ASTN2: variants seen among roughly 807,000 people sequenced by gnomAD.
The protein encoded by ASTN2 is astrotactin 2, also known as astrotactin-2.
In ASTN2, 54 loss-of-function variants were observed where a neutral mutation model predicts 139.8. The observed-to-expected ratio is 0.39, with a 90% CI of 0.31 to 0.48. The LOEUF (loss-of-function observed/expected upper bound fraction) is 0.48, where lower values mean the gene tolerates loss of function less well. ASTN2 is among the 20% of genes least tolerant of loss of function. ASTN2 has a pLI of 0.95. For synonymous variants in ASTN2, 756 were observed against 719.5 expected, an observed-to-expected ratio of 1.05 and a Z score of -0.81; for missense variants, 1,565 against 1,725.1, an observed-to-expected ratio of 0.91 and a Z score of 1.64.
chr9:116,770,478 C>T (rs138299389), intron 13 of ASTN2, among the ~76,000 whole-genome samples: 79 of 152,238 alleles, frequency 5.2e-4, no homozygotes, highest in African/African-American at 1.5e-3. Flanking sequence ...TCCCCTTCAT[C>T]CTGAGAAACC....
chr9:116,619,023 C>T (rs1475451600), intron 18 of ASTN2, among the ~76,000 whole-genome samples: 4 of 151,970 alleles, frequency 2.6e-5, no homozygotes, highest in African/African-American at 7.2e-5. Flanking sequence ...TCCCTCATTT[C>T]ACAAAAGGGG....
chr9:116,447,088 G>T (rs1848023073), intron 20 of ASTN2, among the ~76,000 whole-genome samples: 1 of 152,084 alleles, frequency 6.6e-6, no homozygotes, highest in African/African-American at 2.4e-5. Flanking sequence ...CACAGCAGAG[G>T]CATCTCCAGC....
At chr9:116,961,238 C>A (rs955561552) in intron 10 of ASTN2, among the ~76,000 whole-genome samples, 1 of 141,806 alleles carries the variant, frequency 7.1e-6, no homozygotes, top group African/African-American at 2.6e-5. Context: ...AATTTACTAT[C>A]TTAATCACTT....
chr9:117,152,277 G>T (rs892652922), intron 3 of ASTN2, among the ~76,000 whole-genome samples: 1 of 152,142 alleles, frequency 6.6e-6, no homozygotes, highest in Non-Finnish European at 1.5e-5. Context: ...CAGAGTCAAA[G>T]CTCAATAAAT....
At chr9:117,291,550 C>A (rs116345292) in intron 1 of ASTN2, 37 bp from the exon 2 acceptor site, 5 of 1,541,140 alleles carry the variant, frequency 3.2e-6, no homozygotes, top group Non-Finnish European at 4.4e-6. Flanking sequence ...GTGAGCCGTA[C>A]GCCTGGCCTT....
chr9:117,105,556 G>A (rs1157779925), intron 4 of ASTN2, among the ~76,000 whole-genome samples: 3 of 152,098 alleles, frequency 2.0e-5, no homozygotes, highest in Admixed American at 1.3e-4. Context: ...TTATCATTAT[G>A]ACTCCCTGAC....
At chr9:117,131,884 C>G (rs1164985621) in intron 4 of ASTN2, among the ~76,000 whole-genome samples, 1 of 152,114 alleles carries the variant, frequency 6.6e-6, no homozygotes. Context: ...TCTCAGGACC[C>G]CTTGGGACTA....
chr9:117,202,236 T>G (rs571782141), intron 3 of ASTN2, among the ~76,000 whole-genome samples: 1 of 152,320 alleles, frequency 6.6e-6, no homozygotes, highest in African/African-American at 2.4e-5. Flanking sequence ...TGTGTGTCTT[T>G]GAACATGAGA....
At chr9:117,330,971 C>G (rs2130848584) in intron 1 of ASTN2, among the ~76,000 whole-genome samples, 1 of 152,290 alleles carries the variant, frequency 6.6e-6, no homozygotes, top group African/African-American at 2.4e-5. Context: ...CCATGCACAA[C>G]ATAGCAACAG....
At chr9:117,180,532 T>C in intron 3 of ASTN2, 1 of 640,368 alleles carries the variant, frequency 1.6e-6, no homozygotes. Context: ...TCCTGGAATA[T>C]TTGTTCATAT....
intron 2 of ASTN2, among the ~76,000 whole-genome samples, chr9:117,249,482 T>G (rs1192670793): frequency 6.6e-6 from 1 of 152,190 alleles, no homozygotes; most frequent in African/African-American, 2.4e-5. Context: ...GTTTTCAAAC[T>G]TTATTTTGTA....
chr9:117,034,320 C>A (rs1407074370), intron 6 of ASTN2, among the ~76,000 whole-genome samples: 1 of 152,144 alleles, frequency 6.6e-6, no homozygotes, highest in East Asian at 1.9e-4. Flanking sequence ...ATGAGGCTAA[C>A]TGCATGGCAA....
At chr9:116,747,678 C>T (rs1829281422) in intron 13 of ASTN2, among the ~76,000 whole-genome samples, 1 of 149,494 alleles carries the variant, frequency 6.7e-6, no homozygotes, top group Admixed American at 6.6e-5. Context: ...CTCATTTATA[C>T]ACAGGTGTGC....
intron 4 of ASTN2, among the ~76,000 whole-genome samples, chr9:117,111,653 T>C (rs1235529031): frequency 6.6e-6 from 1 of 152,014 alleles, no homozygotes. Flanking sequence ...AGGCTAGAAT[T>C]TACCAAATTT....
intron 10 of ASTN2, among the ~76,000 whole-genome samples, chr9:116,948,242 G>A (rs567442618): frequency 1.3e-5 from 2 of 152,188 alleles, no homozygotes; most frequent in South Asian, 4.1e-4. Context: ...GTCCTTTGTG[G>A]GGAGGTACTT....
rs77420640 is a variant in ASTN2, at chr9:116,589,158, T to C, written c.3355+29166A>G. ...GGAACCTTCTGGCTGTAGTTCAACA[T>C]ACTGGTTGCATTAAGAAAGGTAGGA... On this transcript the variant is annotated intron_variant, in intron 19 of 22. Transcript: ENST00000313400. Among the ~76,000 whole-genome samples the C allele has an allele frequency of 0.019, 2,891 of 152,290 alleles. 396 individuals carry two copies. In the South Asian group the frequency reaches 0.29, roughly 16 times the overall value.
At chr9:116,820,807 G>A (rs1296543182) in intron 11 of ASTN2, 24 bp from the exon 12 acceptor site, 12 of 1,599,186 alleles carry the variant, frequency 7.5e-6, no homozygotes, top group Non-Finnish European at 1.0e-5. Context: ...GGGCAACAGG[G>A]TAGTTATGGC....
intron 2 of ASTN2, among the ~76,000 whole-genome samples, chr9:117,255,232 A>C (rs191412286): frequency 8.7e-4 from 132 of 152,314 alleles, no homozygotes; most frequent in African/African-American, 2.9e-3. Flanking sequence ...AGATCATTTA[A>C]ATTTGTAATG....
chr9:116,579,718 G>A (rs1227444553), intron 19 of ASTN2, among the ~76,000 whole-genome samples: 2 of 152,154 alleles, frequency 1.3e-5, no homozygotes, highest in East Asian at 3.8e-4. Context: ...CCATCTCAAA[G>A]TAAATAAATA....
Sources: allele counts gnomAD v4.1 joint callset (sites outside exome capture counted in the v4.1 genomes callset), GRCh38; gene constraint gnomAD v4.1.1; transcripts MANE v1.5; gene names NCBI Gene and HGNC (gene_info 2026-07-23, HGNC 2026-07-21).